Variants in MINDY3 observed in about 807,000 individuals in gnomAD.
The protein encoded by MINDY3 is ubiquitin carboxyl-terminal hydrolase MINDY-3.
Under a neutral mutation model 69.2 loss-of-function variants are expected in MINDY3, and 38 were observed. That is an observed-to-expected ratio of 0.55 (90% CI 0.42 to 0.72). The LOEUF (loss-of-function observed/expected upper bound fraction) is 0.72, where lower values mean the gene tolerates loss of function less well. MINDY3 is among the 30% of genes least tolerant of loss of function. The pLI is 0.00. For missense variants in MINDY3, 522 were observed against 519.0 expected (o/e 1.01, Z -0.06); for synonymous variants, 192 against 180.1 (o/e 1.07, Z -0.53).
At chr10:15,802,595 G>GAATT (rs1177400123) in intron 10 of MINDY3, among the ~76,000 whole-genome samples, 1 of 152,046 alleles carries the variant, frequency 6.6e-6, no homozygotes, top group African/African-American at 2.4e-5. Context: ...ATCATATCAG[G>GAATT]AATTAAGGCA....
At chr10:15,828,491 A>C (rs979228797) in intron 8 of MINDY3, among the ~76,000 whole-genome samples, 3 of 152,052 alleles carry the variant, frequency 2.0e-5, no homozygotes, top group African/African-American at 7.3e-5. Flanking sequence ...GTGATGGCTA[A>C]ACAACTCTGA....
chr10:15,829,822 A>G (rs964956371), intron 8 of MINDY3, among the ~76,000 whole-genome samples: 2 of 152,238 alleles, frequency 1.3e-5, no homozygotes, highest in East Asian at 1.9e-4. Context: ...TAGGCAGCAT[A>G]TATGAATATG....
rs531308639 is a variant in MINDY3, at chr10:15,778,497, G to A, written c.*495C>T. On this transcript the variant is annotated 3_prime_UTR_variant, in exon 15 of 15. Coordinates refer to ENST00000277632, the MANE Select transcript of MINDY3 (RefSeq NM_024948.4). ...TTAAGTAAATTGTCAAAGGATCCAG[G>A]TTGACAATGTGTTATTTGTCAATAT... The A allele has an allele frequency of 2.0e-5, 3 of 152,368 alleles. No homozygotes were observed. In the East Asian group the frequency reaches 5.8e-4, roughly 29 times the overall value. The allele number at this position is 152,368 out of a possible 1,614,324, so 9.4% of individuals were successfully genotyped here. A position where few individuals can be genotyped will look rare whatever the true frequency, so the allele number is the denominator to read the frequency against.
chr10:15,810,259 G>GT (rs753616701), intron 10 of MINDY3, among the ~76,000 whole-genome samples: 6 of 152,094 alleles, frequency 3.9e-5, no homozygotes, highest in Admixed American at 6.6e-5. Context: ...ATTACTTTAA[G>GT]TCCTAAAAGT....
Position 15,778,904 on chromosome 10 carries a change from G to A in MINDY3, c.*88C>T, listed in dbSNP as rs1836298108. 2 of 1,083,222 alleles carry A rather than the reference G, an allele frequency of 1.8e-6. No individual in the cohort carries two copies. The highest frequency in any genetic ancestry group is 2.7e-6 in the Non-Finnish European group (2 of 743,230). 67.1% of individuals were successfully genotyped at this position (1,083,222 alleles called of 1,614,324 possible). Reference sequence around the variant, plus strand: ...TATTTACAGTTAATCAGTGATACCAGTGTTTAGCTTAATCCAGCCAATTGC... The same window carrying A: ...TATTTACAGTTAATCAGTGATACCAATGTTTAGCTTAATCCAGCCAATTGC... On this transcript the variant is annotated 3_prime_UTR_variant, in exon 15 of 15. Coordinates refer to ENST00000277632, the MANE Select transcript of MINDY3 (RefSeq NM_024948.4).
At chr10:15,830,806 A>G (rs1318277491) in intron 8 of MINDY3, among the ~76,000 whole-genome samples, 2 of 152,208 alleles carry the variant, frequency 1.3e-5, no homozygotes, top group African/African-American at 4.8e-5. Context: ...CAGATCATAG[A>G]GAGTAAATAT....
At chr10:15,790,464 A>G (rs1230670245) in intron 11 of MINDY3, among the ~76,000 whole-genome samples, 1 of 152,106 alleles carries the variant, frequency 6.6e-6, no homozygotes. Context: ...CCTTGGTTGA[A>G]GGCACTTGTG....
intron 10 of MINDY3, among the ~76,000 whole-genome samples, chr10:15,798,239 G>T (rs564731052): frequency 1.4e-3 from 207 of 152,162 alleles, no homozygotes; most frequent in African/African-American, 4.7e-3. Flanking sequence ...AAATCTTTTT[G>T]GGGGAAAGGT....
intron 10 of MINDY3, among the ~76,000 whole-genome samples, chr10:15,799,624 T>C (rs1184884270): frequency 6.6e-6 from 1 of 152,112 alleles, no homozygotes; most frequent in Non-Finnish European, 1.5e-5. Context: ...GGCACAGAAT[T>C]CTAGCTAGAA....
At chr10:15,806,658 T>A (rs1249303952) in intron 10 of MINDY3, among the ~76,000 whole-genome samples, 3 of 152,172 alleles carry the variant, frequency 2.0e-5, no homozygotes, top group Admixed American at 6.6e-5. Flanking sequence ...TTTCATATAG[T>A]AAGGACAATT....
intron 1 of MINDY3, among the ~76,000 whole-genome samples, chr10:15,858,715 A>G (rs777965777): frequency 6.6e-6 from 1 of 152,250 alleles, no homozygotes; most frequent in South Asian, 2.1e-4. Flanking sequence ...TTGTATTTGC[A>G]TTACAGTATA....
intron 1 of MINDY3, among the ~76,000 whole-genome samples, chr10:15,858,589 C>A (rs1450840362): frequency 6.6e-6 from 1 of 152,182 alleles, no homozygotes; most frequent in Non-Finnish European, 1.5e-5. Context: ...ATTATCTGTA[C>A]TTTACAGAGA....
intron 1 of MINDY3, among the ~76,000 whole-genome samples, chr10:15,848,864 C>T (rs1834064761): frequency 6.6e-6 from 1 of 152,034 alleles, no homozygotes; most frequent in African/African-American, 2.4e-5. Context: ...TCAGTGTTCT[C>T]ATTAAAATAA....
At chr10:15,786,769 T>C (rs909462090) in intron 12 of MINDY3, 121 bp from the exon 13 acceptor site, 1 of 659,170 alleles carries the variant, frequency 1.5e-6, no homozygotes, top group African/African-American at 1.8e-5. Flanking sequence ...AGAGCTGTTC[T>C]TTTTAGAACC....
chr10:15,853,159 AATT>A (rs1297987931), intron 1 of MINDY3, among the ~76,000 whole-genome samples: 2 of 152,104 alleles, frequency 1.3e-5, no homozygotes, highest in Non-Finnish European at 1.5e-5. Context: ...TTGGATCAAG[AATT>A]ATTAATTTTG....
intron 9 of MINDY3, among the ~76,000 whole-genome samples, chr10:15,820,218 T>C (rs551952415): frequency 6.6e-6 from 1 of 152,132 alleles, no homozygotes; most frequent in Non-Finnish European, 1.5e-5. Context: ...CAGTGAGCCA[T>C]CCATCTCAAG....
intron 10 of MINDY3, among the ~76,000 whole-genome samples, chr10:15,813,462 A>C (rs887213918): frequency 1.3e-5 from 2 of 152,160 alleles, no homozygotes; most frequent in Admixed American, 1.3e-4. Flanking sequence ...AACTACAATA[A>C]ATTCTTACAG....
chr10:15,801,010 A>C (rs1257108664), intron 10 of MINDY3, among the ~76,000 whole-genome samples: 1 of 152,224 alleles, frequency 6.6e-6, no homozygotes, highest in Non-Finnish European at 1.5e-5. Context: ...ATGGTTTGAT[A>C]ATTTTAGAAA....
intron 1 of MINDY3, among the ~76,000 whole-genome samples, chr10:15,850,382 G>A (rs1044340068): frequency 2.0e-5 from 3 of 152,178 alleles, no homozygotes; most frequent in African/African-American, 7.2e-5. Flanking sequence ...TCTGGGAGCT[G>A]GGCAGAACAG....
Sources: allele counts gnomAD v4.1 joint callset (sites outside exome capture counted in the v4.1 genomes callset), GRCh38; gene constraint gnomAD v4.1.1; transcripts MANE v1.5; gene names NCBI Gene and HGNC (gene_info 2026-07-23, HGNC 2026-07-21).